PTPRC: variants seen among roughly 807,000 people sequenced by gnomAD.
The protein encoded by PTPRC is receptor-type tyrosine-protein phosphatase C.
Under a neutral mutation model 155.9 loss-of-function variants are expected in PTPRC, and 44 were observed. The observed-to-expected ratio is 0.28, with a 90% CI of 0.22 to 0.36. The LOEUF is 0.36. PTPRC is among the 10% of genes least tolerant of loss of function. The pLI, the probability that PTPRC is intolerant of heterozygous loss-of-function variation, is 1.00. For missense variants in PTPRC, 1,401 were observed against 1,564.6 expected, an observed-to-expected ratio of 0.90 and a Z score of 1.76; for synonymous variants, 525 against 533.1, an observed-to-expected ratio of 0.98 and a Z score of 0.21.
intron 5 of PTPRC, among the ~76,000 whole-genome samples, chr1:198,701,210 G>A (rs1322478112): frequency 6.6e-6 from 1 of 152,164 alleles, no homozygotes; most frequent in African/African-American, 2.4e-5. Context: ...AGACTGAGCT[G>A]AGAACCCATG....
chr1:198,734,755 A>T (rs967651111), intron 22 of PTPRC, among the ~76,000 whole-genome samples: 3 of 151,730 alleles, frequency 2.0e-5, no homozygotes, highest in Admixed American at 6.6e-5. Flanking sequence ...AACAAAACTG[A>T]CCTTGGGCAG....
chr1:198,749,719 G>T (rs1252447059), intron 28 of PTPRC, among the ~76,000 whole-genome samples, 170 bp downstream of exon 28: 1 of 151,810 alleles, frequency 6.6e-6, no homozygotes, highest in Non-Finnish European at 1.5e-5. Flanking sequence ...CTTAATGAAA[G>T]ATTTAAAAAT....
At chr1:198,703,608 CA>C in intron 7 of PTPRC, 1 of 653,054 alleles carries the variant, frequency 1.5e-6, no homozygotes, top group East Asian at 2.8e-5. Flanking sequence ...GTGTGAGAAA[CA>C]ACCACATCTA....
At chr1:198,679,098 G>T in intron 2 of PTPRC, 1 of 185,618 alleles carries the variant, frequency 5.4e-6, no homozygotes, top group East Asian at 1.2e-4. Flanking sequence ...ACACGGCTTG[G>T]GGCCTCTGGG....
intron 14 of PTPRC, among the ~76,000 whole-genome samples, chr1:198,720,320 T>A (rs1653825981): frequency 6.6e-6 from 1 of 152,144 alleles, no homozygotes; most frequent in Admixed American, 6.5e-5. Flanking sequence ...ATCATATAAC[T>A]TTTTAAAAAA....
intron 2 of PTPRC, among the ~76,000 whole-genome samples, chr1:198,658,871 A>T (rs79186670): frequency 0.037 from 5,624 of 152,184 alleles, 182 homozygotes; most frequent in East Asian, 0.14. Context: ...TTAGAGTAAG[A>T]ATCTTTAGAA....
chr1:198,752,416 C>G, intron 30 of PTPRC, 45 bp downstream of exon 30: 1 of 1,603,816 alleles, frequency 6.2e-7, no homozygotes, highest in Non-Finnish European at 8.5e-7. Flanking sequence ...TATAATGGAT[C>G]TGGTAGCAAA....
intron 23 of PTPRC, among the ~76,000 whole-genome samples, chr1:198,736,742 T>A (rs1265142095): frequency 6.6e-6 from 1 of 151,680 alleles, no homozygotes; most frequent in Non-Finnish European, 1.5e-5. Context: ...GTGCTATTTT[T>A]AGTTTTTTTG....
chr1:198,756,030 A>G lies in PTPRC; in HGVS notation c.3770A>G (p.Gln1257Arg). 2 of 1,613,528 alleles carry G rather than the reference A, an allele frequency of 1.2e-6. No individual in the cohort carries two copies. Among genetic ancestry groups the G allele is most frequent in the Non-Finnish European group, 1.7e-6 (2 of 1,179,640 alleles). The stretch of plus-strand genomic sequence containing the variant: ...GATAATGAAGTGGACAAAGTAAAGC[A>G]GGATGCTAATTGTGTTAATCCACTT... ...EFDNEVDKVK[Q>R]DANCVNPLGA... is the part of the protein sequence containing the mutation. Residue 1257 changes from glutamine (Q) to arginine (R), a missense_variant, in exon 33 of 33, where the codon CAG becomes CGG. Coordinates refer to ENST00000442510, the MANE Select transcript of PTPRC (RefSeq NM_002838.5).
rs369694788 is a variant in PTPRC, at chr1:198,752,574, C to G, written c.3331-20C>G. ...GCTGAACTTCACTCCAGTTAATGCTCTCTTCAATTCTGATTTTAGAGGAAA... is the reference window on the plus strand; with the variant it reads ...GCTGAACTTCACTCCAGTTAATGCTGTCTTCAATTCTGATTTTAGAGGAAA... On this transcript the variant is annotated intron_variant, in intron 30 of 32. Transcript: ENST00000442510. 55 of 1,607,474 alleles carry G rather than the reference C, an allele frequency of 3.4e-5. No individual in the cohort carries two copies. The African/African-American group carries it at 7.1e-4, about 21-fold the overall frequency.
chr1:198,749,503 G>A lies in PTPRC; in HGVS notation c.3026G>A (p.Ser1009Asn). The change falls in exon 28 of 33, where the codon AGT becomes AAT. Residue 1009 changes from serine to asparagine, a missense_variant. Around this residue, in one of 3 missense-constraint regions of PTPRC, gnomAD observed 400 missense variants for 389.5 expected, o/e 1.03. Transcript: ENST00000442510. ...TCAGATGAATCCTCTGATGATGACA[G>A]TGATTCAGAGGAACCAAGCAAATAC... ...HDSDESSDDD[S>N]DSEEPSKYIN... 6 of 1,610,496 alleles carry A rather than the reference G, an allele frequency of 3.7e-6. No homozygotes were observed. The highest frequency in any genetic ancestry group is 2.7e-5 in the African/African-American group (2 of 74,880).
intron 29 of PTPRC, among the ~76,000 whole-genome samples, chr1:198,751,727 A>G: frequency 6.6e-6 from 1 of 152,074 alleles, no homozygotes; most frequent in East Asian, 1.9e-4. Context: ...TGGTTCATCT[A>G]CTCTTCAATC....
At chr1:198,730,656 A>T (rs2102479996) in intron 17 of PTPRC, among the ~76,000 whole-genome samples, 1 of 152,210 alleles carries the variant, frequency 6.6e-6, no homozygotes, top group Non-Finnish European at 1.5e-5. Context: ...TTATCTCAAA[A>T]TTGGTACCGA....
At chr1:198,715,008 C>A (rs1486657217) in intron 12 of PTPRC, among the ~76,000 whole-genome samples, 1 of 151,994 alleles carries the variant, frequency 6.6e-6, no homozygotes, top group Non-Finnish European at 1.5e-5. Flanking sequence ...TTTAATAACT[C>A]AGTGGAGATG....
Position 198,748,146 on chromosome 1 carries a change from T to C in PTPRC, c.2885T>C (p.Ile962Thr), listed in dbSNP as rs766748068. Residue 962 changes from isoleucine (I) to threonine (T), a missense_variant, in exon 27 of 33, where the codon ATT (isoleucine) becomes ACT (threonine). By Grantham distance (89) the Ile-to-Thr change is moderately conservative. This residue lies in a region of PTPRC where 134 missense variants were observed against 204.7 expected (regional missense o/e 0.65). Transcript: ENST00000442510. ...TATAGGAGCTGGAGGACACAGCACATTGGAAATCAAGAAGAAAATAAAAGT... is the reference window on the plus strand; with the variant it reads ...TATAGGAGCTGGAGGACACAGCACACTGGAAATCAAGAAGAAAATAAAAGT... Reference protein sequence around the residue: ...PSYRSWRTQHIGNQEENKSKN... With the variant: ...PSYRSWRTQHTGNQEENKSKN... 6.2e-6 allele frequency: 10 copies of C among 1,603,742 alleles called. No individual in the cohort carries two copies. In the Admixed American group the frequency reaches 8.4e-5, roughly 13 times the overall value.
intron 2 of PTPRC, among the ~76,000 whole-genome samples, chr1:198,685,673 C>T (rs1665579436): frequency 6.6e-6 from 1 of 152,006 alleles, no homozygotes; most frequent in South Asian, 2.1e-4. Flanking sequence ...TTATTATTAT[C>T]ATGCATTGCT....
intron 2 of PTPRC, among the ~76,000 whole-genome samples, chr1:198,670,723 A>AT (rs1409634947): frequency 1.3e-5 from 2 of 152,106 alleles, no homozygotes; most frequent in Non-Finnish European, 2.9e-5. Flanking sequence ...TTCTTAAAAG[A>AT]TTTTTTCATG....
intron 2 of PTPRC, among the ~76,000 whole-genome samples, chr1:198,673,224 C>T (rs975541180): frequency 1.3e-5 from 2 of 152,082 alleles, no homozygotes; most frequent in African/African-American, 4.8e-5. Context: ...GGCATTCTTT[C>T]TCTCTGCTTC....
chr1:198,744,988 A>G (rs1206423012), intron 26 of PTPRC, among the ~76,000 whole-genome samples: 3 of 151,802 alleles, frequency 2.0e-5, no homozygotes, highest in Admixed American at 6.6e-5. Flanking sequence ...CTTATAATGG[A>G]AGAACTAGCA....
Sources: allele counts gnomAD v4.1 joint callset (sites outside exome capture counted in the v4.1 genomes callset), GRCh38; gene constraint gnomAD v4.1.1; regional missense constraint gnomAD v4.1.1; transcripts MANE v1.5; gene names NCBI Gene and HGNC (gene_info 2026-07-23, HGNC 2026-07-21).